CEP290: variants seen among roughly 807,000 people sequenced by gnomAD.
CEP290 encodes the protein centrosomal protein of 290 kDa.
Under a neutral mutation model 344.9 loss-of-function variants are expected in CEP290, and 317 were observed. The ratio of observed to expected loss-of-function variants is 0.92; its 90% CI spans 0.84 to 1.01. The LOEUF (loss-of-function observed/expected upper bound fraction) is 1.01. Among genes scored for constraint, CEP290 ranks in the 50% least tolerant of loss-of-function variants. CEP290 has a pLI of 0.00. For synonymous variants in CEP290, 932 were observed against 895.8 expected (o/e 1.04, Z -0.72); for missense variants, 2,754 against 2,761.4 (o/e 1.00, Z 0.06).
At chr12:88,071,985 G>C in intron 41 of CEP290, 59 bp from the exon 42 acceptor site, 1 of 1,400,332 alleles carries the variant, frequency 7.1e-7, no homozygotes, top group Non-Finnish European at 9.5e-7. Context: ...TTTTCTTTAT[G>C]ATTTATCAAT....
chr12:88,091,692 T>C (rs1220044887), intron 29 of CEP290, among the ~76,000 whole-genome samples: 3 of 152,118 alleles, frequency 2.0e-5, no homozygotes, highest in Non-Finnish European at 4.4e-5. Flanking sequence ...AAAGGGTCTT[T>C]CATAGTGAAA....
intron 25 of CEP290, chr12:88,103,241 T>G: frequency 3.8e-6 from 1 of 266,004 alleles, no homozygotes; most frequent in Non-Finnish European, 6.9e-6. Context: ...TAATAACTCC[T>G]GTCATTGTAA....
chr12:88,071,876 G>A lies in CEP290; in HGVS notation c.5760C>T (p.Ala1920=). The change falls in exon 42 of 54, where the codon GCC becomes GCT. Residue 1920 remains alanine, a synonymous_variant. Coordinates refer to ENST00000552810, the MANE Select transcript of CEP290 (RefSeq NM_025114.4). ...IRWEEGKKWQ[A]KIEGIRNKLK... ...ACTTGTTTCGAATTCCTTCTATTTT[G>A]GCTTGCCACTTTTTACCTTCTTCCC... The A allele has an allele frequency of 6.2e-7, 1 of 1,601,276 alleles. No homozygotes were observed.
At chr12:88,130,238 T>C (rs778724691) in intron 9 of CEP290, 30 bp downstream of exon 9, 1 of 1,563,878 alleles carries the variant, frequency 6.4e-7, no homozygotes, top group East Asian at 2.3e-5. Context: ...TTAGGAACCA[T>C]TGCTCTGAAT....
chr12:88,141,032 A>C lies in CEP290; in HGVS notation c.104T>G (p.Val35Gly). Reference sequence around the variant, plus strand: ...TTCACTTTTTAGCTCATTTACTTCCACCTAAGTAAACAGAAAAGCAACTGT... The same window carrying C: ...TTCACTTTTTAGCTCATTTACTTCCCCCTAAGTAAACAGAAAAGCAACTGT... ...ADNLLISLSK[V>G]EVNELKSEKQ... Residue 35 changes from valine to glycine, a missense_variant and splice_region_variant, in exon 3 of 54, where the codon GTG becomes GGG. By Grantham distance (109) the Val-to-Gly change is moderately radical. Transcript: ENST00000552810. 1 of 1,569,134 alleles carries C rather than the reference A, an allele frequency of 6.4e-7. No individual in the cohort carries two copies. Among genetic ancestry groups the C allele is most frequent in the South Asian group, 1.2e-5 (1 of 81,358 alleles).
intron 6 of CEP290, among the ~76,000 whole-genome samples, chr12:88,133,252 G>C (rs1449412439): frequency 1.3e-5 from 2 of 151,504 alleles, no homozygotes; most frequent in African/African-American, 4.8e-5. Context: ...ATTTTTGTTT[G>C]TTTTGTTTTG....
At chr12:88,099,716 C>A (rs1040579603) in intron 26 of CEP290, among the ~76,000 whole-genome samples, 3 of 151,932 alleles carry the variant, frequency 2.0e-5, no homozygotes, top group African/African-American at 7.3e-5. Flanking sequence ...AAGTAAAGTA[C>A]ATAATTATAG....
intron 13 of CEP290, among the ~76,000 whole-genome samples, chr12:88,124,491 T>C (rs1294711709): frequency 1.3e-5 from 2 of 152,068 alleles, no homozygotes; most frequent in East Asian, 3.9e-4. Context: ...TACACACACA[T>C]ATGTGCACGG....
chr12:88,086,443 T>C lies in CEP290; in HGVS notation c.4250A>G (p.Gln1417Arg), dbSNP rs201504946. Residue 1417 changes from glutamine (Q) to arginine (R), a missense_variant, in exon 33 of 54, where the codon CAA becomes CGA. Coordinates refer to ENST00000552810, the MANE Select transcript of CEP290 (RefSeq NM_025114.4). ...TTGCTGACGGTCAAAAATGTCTAGT[T>C]GGCGTTCCAGGTCAACTTCTCTTTG... ...WDQREVDLER[Q>R]LDIFDRQQNE... 6.9e-5 allele frequency: 110 copies of C among 1,600,878 alleles called. No homozygotes were observed. The African/African-American group carries it at 8.0e-4, about 12-fold the overall frequency.
At chr12:88,127,805 GAAACTTCAT>G (rs2039824287) in intron 11 of CEP290, among the ~76,000 whole-genome samples, 1 of 151,846 alleles carries the variant, frequency 6.6e-6, no homozygotes, top group Non-Finnish European at 1.5e-5. Context: ...CCCAAAATTG[GAAACTTCAT>G]AAACTTCACA....
Position 88,049,261 on chromosome 12 carries a change from C to A in CEP290, c.7363G>T (p.Glu2455Ter). Reference protein sequence around the residue: ...VKKLSEQLGVELTSPVAASEE... With the variant: ...VKKLSEQLGV Reference sequence around the variant, plus strand: ...GAAGCAGCAACAGGGCTAGTTAATTCAACTCCCAATTGTTCTGAAAGTTTT... The same window carrying A: ...GAAGCAGCAACAGGGCTAGTTAATTAAACTCCCAATTGTTCTGAAAGTTTT... The change falls in exon 54 of 54, where the codon GAA becomes TAA. Residue 2455 changes from glutamate to a stop codon, truncating the protein, a stop_gained. Coordinates refer to ENST00000552810, the MANE Select transcript of CEP290 (RefSeq NM_025114.4). LOFTEE classifies it high-confidence loss of function. 6.2e-7 allele frequency: 1 copy of A among 1,609,852 alleles called. No homozygotes were observed. The highest frequency in any genetic ancestry group is 1.1e-5 in the South Asian group (1 of 90,288).
chr12:88,059,664 C>T (rs1355933947), intron 48 of CEP290, among the ~76,000 whole-genome samples: 4 of 152,200 alleles, frequency 2.6e-5, no homozygotes, highest in Non-Finnish European at 5.9e-5. Flanking sequence ...GCCTTGGCCT[C>T]CCAAAGTGCT....
chr12:88,074,764 T>C (rs1027748717), intron 41 of CEP290, among the ~76,000 whole-genome samples: 1 of 152,138 alleles, frequency 6.6e-6, no homozygotes, highest in African/African-American at 2.4e-5. Context: ...AATACTGATG[T>C]CATGAAGCTT....
chr12:88,060,810 A>G lies in CEP290; in HGVS notation c.6522+20T>C. 7.1e-7 allele frequency: 1 copy of G among 1,406,410 alleles called. No homozygotes were observed. The highest frequency in any genetic ancestry group is 9.4e-7 in the Non-Finnish European group (1 of 1,066,118). 87.1% of individuals were successfully genotyped at this position (1,406,410 alleles called of 1,614,324 possible). A position where few individuals can be genotyped will look rare whatever the true frequency, so the allele number is the denominator to read the frequency against. ...AACGTAAAATATTCCCCTAAAAATG[A>G]TCACATTAAAAAAAATTACCTTCAA... On this transcript the variant is annotated intron_variant, in intron 47 of 53. Transcript: ENST00000552810.
At chr12:88,063,748 C>T (rs533636299) in intron 45 of CEP290, among the ~76,000 whole-genome samples, 2 of 152,122 alleles carry the variant, frequency 1.3e-5, no homozygotes, top group Non-Finnish European at 2.9e-5. Context: ...AACGTAAGTC[C>T]TATGAGTATA....
chr12:88,053,100 G>T (rs1407086560), intron 52 of CEP290, among the ~76,000 whole-genome samples: 1 of 152,094 alleles, frequency 6.6e-6, no homozygotes, highest in Non-Finnish European at 1.5e-5. Context: ...CACAAATAAT[G>T]AGGATATGTA....
chr12:88,053,759 G>C lies in CEP290; in HGVS notation c.7035-13C>G. The C allele has an allele frequency of 7.5e-7, 1 of 1,324,566 alleles. No individual in the cohort carries two copies. Among genetic ancestry groups the C allele is most frequent in the Non-Finnish European group, 1.0e-6 (1 of 959,240 alleles). The allele number at this position is 1,324,566 out of a possible 1,614,324, so 82.1% of individuals were successfully genotyped here. A position where few individuals can be genotyped will look rare whatever the true frequency, so the allele number is the denominator to read the frequency against. On this transcript the variant is annotated splice_polypyrimidine_tract_variant and intron_variant, in intron 51 of 53. Transcript: ENST00000552810. ...ATGATTAGCTAATCTAGAACACAAT[G>C]ATAATGTGTTAAAAAAATAAAGCAG...
chr12:88,085,952 C>A, intron 34 of CEP290, 87 bp downstream of exon 34: 2 of 1,185,562 alleles, frequency 1.7e-6, no homozygotes, highest in Non-Finnish European at 2.4e-6. Flanking sequence ...TCATTCTATG[C>A]ATTGCCCTCA....
chr12:88,134,100 C>T (rs1001660469), intron 6 of CEP290, among the ~76,000 whole-genome samples: 9 of 152,248 alleles, frequency 5.9e-5, no homozygotes, highest in African/African-American at 2.2e-4. Flanking sequence ...AATTCCATAT[C>T]CACAGATACC....
Sources: gnomAD v4.1 joint callset for allele counts (sites outside exome capture counted in the v4.1 genomes callset) on GRCh38, gnomAD v4.1.1 for gene constraint, MANE v1.5 for transcripts, NCBI Gene and HGNC (gene_info 2026-07-23, HGNC 2026-07-21) for gene names.